Variants in CACNG8 observed in about 807,000 individuals in gnomAD.
The protein encoded by CACNG8 is voltage-dependent calcium channel gamma-8 subunit.
A neutral mutation model predicts 26.9 loss-of-function variants in CACNG8; 5 were observed. That is an observed-to-expected ratio of 0.19 (90% CI 0.10 to 0.39). The LOEUF is 0.39. Among genes scored for constraint, CACNG8 ranks in the 10% least tolerant of loss-of-function variants. CACNG8 has a pLI of 1.00. For missense variants in CACNG8, 473 were observed against 609.4 expected (o/e 0.78, Z 2.36); for synonymous variants, 321 against 296.7 (o/e 1.08, Z -0.84).
chr19:53,972,328 C>CT (rs1171175449), intron 1 of CACNG8, among the ~76,000 whole-genome samples: 35 of 126,622 alleles, frequency 2.8e-4, no homozygotes, highest in East Asian at 4.9e-4. Flanking sequence ...TGCTTTCTTT[C>CT]TTTTTTTTTT....
At position 53,986,838 on chromosome 19, in the gene CACNG8, T is replaced by G. The variant is rs2069410704; in HGVS notation, c.*3989T>G. The G allele has an allele frequency of 6.6e-6, 1 of 152,296 alleles. No homozygotes were observed. Among genetic ancestry groups the G allele is most frequent in the South Asian group, 2.1e-4 (1 of 4,830 alleles). The allele number at this position is 152,296 out of a possible 1,614,324, so 9.4% of individuals were successfully genotyped here. The stretch of plus-strand genomic sequence containing the variant: ...AGTAGGAAAGAGAGGTGAGAAAGTC[T>G]GGGGGCCAGGCATTCCACCCACCAG... On this transcript the variant is annotated 3_prime_UTR_variant, in exon 4 of 4. Coordinates refer to ENST00000270458, the MANE Select transcript of CACNG8 (RefSeq NM_031895.6).
chr19:53,980,255 A>C (rs1458143218), intron 3 of CACNG8, among the ~76,000 whole-genome samples: 1 of 151,884 alleles, frequency 6.6e-6, no homozygotes, highest in African/African-American at 2.4e-5. Flanking sequence ...AAACCGACAC[A>C]GGCAGGTGTC....
chr19:53,982,870 GGGGCGTGTCCGGGGCGCGTGCGC>G lies in CACNG8; in HGVS notation c.*27_*49del. The G allele has an allele frequency of 2.4e-6, 3 of 1,270,508 alleles. No homozygotes were observed. The highest frequency in any genetic ancestry group is 3.0e-6 in the Non-Finnish European group (3 of 1,007,572). 78.7% of individuals were successfully genotyped at this position (1,270,508 alleles called of 1,614,324 possible). On this transcript the variant is annotated 3_prime_UTR_variant, in exon 4 of 4. Coordinates refer to ENST00000270458, the MANE Select transcript of CACNG8 (RefSeq NM_031895.6). This position sits in a 1 kb window ranked among gnomAD's most constrained non-coding sequence, Gnocchi z 8.4. ...TGTAGGGGCGCGGCGGGGGAGCCGA[GGGGCGTGTCCGGGGCGCGTGCGC>G]GGGCGCGCGTGCATCGAGGCTGCCG...
chr19:53,982,777 C>G lies in CACNG8; in HGVS notation c.1206C>G (p.Ala402=), dbSNP rs1353627648. 1 of 1,342,146 alleles carries G rather than the reference C, an allele frequency of 7.5e-7. No homozygotes were observed. Among genetic ancestry groups the G allele is most frequent in the South Asian group, 1.6e-5 (1 of 62,400 alleles). The allele number at this position is 1,342,146 out of a possible 1,614,324, so 83.1% of individuals were successfully genotyped here. ...CGCCACCCGCGCCCTCTGCGCCCGC[C>G]CCCGGGACCCTGGCCAAGGAGGCCG... The change falls in exon 4 of 4, where the codon GCC becomes GCG. Residue 402 remains alanine (A), a synonymous_variant. Coordinates refer to ENST00000270458, the MANE Select transcript of CACNG8 (RefSeq NM_031895.6). This position sits in a 1 kb window ranked among gnomAD's most constrained non-coding sequence, Gnocchi z 8.4.
chr19:53,974,939 CTATTT>C (rs1460925635), intron 1 of CACNG8, among the ~76,000 whole-genome samples: 2 of 149,822 alleles, frequency 1.3e-5, no homozygotes, highest in Non-Finnish European at 3.0e-5. Flanking sequence ...CGCACCCAGC[CTATTT>C]TATTTTATTT....
At chr19:53,973,986 TACATA>T (rs1230736050) in intron 1 of CACNG8, among the ~76,000 whole-genome samples, 1 of 152,228 alleles carries the variant, frequency 6.6e-6, no homozygotes, top group African/African-American at 2.4e-5. Context: ...TAGTAAATTA[TACATA>T]ACATAAATTT....
chr19:53,978,058 G>C, intron 1 of CACNG8, 88 bp from the exon 2 acceptor site: 3 of 868,700 alleles, frequency 3.5e-6, no homozygotes, highest in South Asian at 3.0e-5. Context: ...AAGGGGTTTG[G>C]GGAAGGGAAG....
At position 53,972,414 on chromosome 19, in the gene CACNG8, T is replaced by G. The variant is rs186616293; in HGVS notation, c.284-5732T>G. On this transcript the variant is annotated intron_variant, in intron 1 of 3. Transcript: ENST00000270458. Reference sequence around the variant, plus strand: ...TTCACTCTTGTCGCCCAGGCTGGAGTGCAATGGTGTGATCTCTGCTCACTG... The same window carrying G: ...TTCACTCTTGTCGCCCAGGCTGGAGGGCAATGGTGTGATCTCTGCTCACTG... Among the ~76,000 whole-genome samples, 22 of 141,432 alleles carry G rather than the reference T, an allele frequency of 1.6e-4. No individual in the cohort carries two copies. In the East Asian group the frequency reaches 4.7e-3, roughly 30 times the overall value. The allele number at this position is 141,432 out of a possible 152,430, so 92.8% of individuals were successfully genotyped here. A position where few individuals can be genotyped will look rare whatever the true frequency, so the allele number is the denominator to read the frequency against.
At chr19:53,972,774 C>A (rs1289602103) in intron 1 of CACNG8, among the ~76,000 whole-genome samples, 1 of 152,148 alleles carries the variant, frequency 6.6e-6, no homozygotes, top group African/African-American at 2.4e-5. Flanking sequence ...TCCAAAACCA[C>A]GCAGCTGGGA....
At chr19:53,978,323 C>CG in intron 2 of CACNG8, 94 bp downstream of exon 2, 1 of 906,884 alleles carries the variant, frequency 1.1e-6, no homozygotes. Flanking sequence ...ACTGGGACTC[C>CG]GGCACTTGGA....
chr19:53,966,761 C>G (rs552263734), intron 1 of CACNG8, among the ~76,000 whole-genome samples: 1 of 152,302 alleles, frequency 6.6e-6, no homozygotes, highest in East Asian at 1.9e-4. Flanking sequence ...GTTGAAGGTT[C>G]TTGAGCAGAG....
At position 53,986,860 on chromosome 19, in the gene CACNG8, C is replaced by T. The variant is rs1829168166; in HGVS notation, c.*4011C>T. 6.6e-6 allele frequency: 1 copy of T among 152,480 alleles called. No homozygotes were observed. Among genetic ancestry groups the T allele is most frequent in the Non-Finnish European group, 1.5e-5 (1 of 68,306 alleles). 9.4% of individuals were successfully genotyped at this position (152,480 alleles called of 1,614,324 possible). A position where few individuals can be genotyped will look rare whatever the true frequency, so the allele number is the denominator to read the frequency against. On this transcript the variant is annotated 3_prime_UTR_variant, in exon 4 of 4. Coordinates refer to ENST00000270458, the MANE Select transcript of CACNG8 (RefSeq NM_031895.6). ...GTCTGGGGGCCAGGCATTCCACCCACCAGAGGCAGCCCCAAAGCCCAGAAA... is the reference window on the plus strand; with the variant it reads ...GTCTGGGGGCCAGGCATTCCACCCATCAGAGGCAGCCCCAAAGCCCAGAAA...
rs1050095661 is a variant in CACNG8 at position 53,973,356 on chromosome 19, T to A, written c.284-4790T>A. ...GGCTAACATGGTGAAACCCCATCTC[T>A]ACTTAACATACAAAAAATTAGCCAG... On this transcript the variant is annotated intron_variant, in intron 1 of 3. Transcript: ENST00000270458. Among the ~76,000 whole-genome samples the A allele has an allele frequency of 2.6e-5, 4 of 151,888 alleles. No homozygotes were observed. In the East Asian group the frequency reaches 5.8e-4, roughly 22 times the overall value.
intron 1 of CACNG8, among the ~76,000 whole-genome samples, chr19:53,972,883 C>G (rs1395903898): frequency 6.6e-6 from 1 of 152,200 alleles, no homozygotes; most frequent in East Asian, 1.9e-4. Flanking sequence ...ATATGCTGAA[C>G]TCCCAAACCG....
chr19:53,982,069 T>G lies in CACNG8; in HGVS notation c.509-11T>G, dbSNP rs1464860666. The G allele has an allele frequency of 6.5e-7, 1 of 1,548,624 alleles. No homozygotes were observed. Among genetic ancestry groups the G allele is most frequent in the Admixed American group, 2.0e-5 (1 of 51,082 alleles). On this transcript the variant is annotated splice_polypyrimidine_tract_variant and intron_variant, in intron 3 of 3. Transcript: ENST00000270458. The surrounding 1 kb of genome is among the most constrained non-coding windows in gnomAD (Gnocchi z 8.4). ...TGGCCTCGAGGCTCCCGTCTGACCG[T>G]CCCCGCCCAGGCCTGAGCAACATCA... is the stretch of plus-strand genomic sequence containing the variant.
rs1028267533 is a variant in CACNG8, at chr19:53,963,088, C to T, written c.-55C>T. The T allele has an allele frequency of 4.6e-6, 6 of 1,299,580 alleles. No individual in the cohort carries two copies. In the African/African-American group the frequency reaches 9.4e-5, roughly 20 times the overall value. 80.5% of individuals were successfully genotyped at this position (1,299,580 alleles called of 1,614,324 possible). A position where few individuals can be genotyped will look rare whatever the true frequency, so the allele number is the denominator to read the frequency against. On this transcript the variant is annotated 5_prime_UTR_variant, in exon 1 of 4. Coordinates refer to ENST00000270458, the MANE Select transcript of CACNG8 (RefSeq NM_031895.6). Reference sequence around the variant, plus strand: ...ACCCCCCCCCAGCCGCCGGCACGGCCCCGCCCCCGCTGCCCCGGTGGTGGC... The same window carrying T: ...ACCCCCCCCCAGCCGCCGGCACGGCTCCGCCCCCGCTGCCCCGGTGGTGGC...
At chr19:53,978,738 A>G (rs2069345373) in intron 2 of CACNG8, among the ~76,000 whole-genome samples, 1 of 139,036 alleles carries the variant, frequency 7.2e-6, no homozygotes, top group Admixed American at 7.4e-5. Flanking sequence ...GGGTGGGTGG[A>G]AAGGAAGGAC....
chr19:53,979,278 A>C (rs2069349832), intron 2 of CACNG8, among the ~76,000 whole-genome samples: 1 of 147,132 alleles, frequency 6.8e-6, no homozygotes, highest in Non-Finnish European at 1.5e-5. Context: ...CCAGAAAGAT[A>C]GATGAAGCCA....
chr19:53,975,710 T>C (rs1240723005), intron 1 of CACNG8, among the ~76,000 whole-genome samples: 1 of 152,190 alleles, frequency 6.6e-6, no homozygotes, highest in Non-Finnish European at 1.5e-5. Flanking sequence ...AAAATACTTA[T>C]TAAGCACTCA....
Sources: allele counts gnomAD v4.1 joint callset (sites outside exome capture counted in the v4.1 genomes callset), GRCh38; gene constraint gnomAD v4.1.1; non-coding constraint Gnocchi (gnomAD v3.1); transcripts MANE v1.5; gene names NCBI Gene and HGNC (gene_info 2026-07-23, HGNC 2026-07-21).